Variants in KAT6B observed in about 807,000 individuals in gnomAD.
KAT6B encodes lysine acetyltransferase 6B.
Under a neutral mutation model 187.5 loss-of-function variants are expected in KAT6B, and 10 were observed. The ratio of observed to expected loss-of-function variants is 0.05; its 90% CI spans 0.03 to 0.09. The LOEUF is 0.09. Among genes scored for constraint, KAT6B ranks in the 10% least tolerant of loss-of-function variants. KAT6B has a pLI of 1.00. For synonymous variants in KAT6B, 861 were observed against 926.8 expected, an observed-to-expected ratio of 0.93 and a Z score of 1.29; for missense variants, 1,952 against 2,558.9, an observed-to-expected ratio of 0.76 and a Z score of 5.12.
At chr10:74,954,546 T>C (rs1249523862) in intron 3 of KAT6B, among the ~76,000 whole-genome samples, 1 of 152,208 alleles carries the variant, frequency 6.6e-6, no homozygotes, top group African/African-American at 2.4e-5. Context: ...ATGACTCCTA[T>C]TGGTGTAAGT....
chr10:75,017,279 G>T (rs1845044720), intron 13 of KAT6B, among the ~76,000 whole-genome samples: 1 of 152,016 alleles, frequency 6.6e-6, no homozygotes, highest in Admixed American at 6.5e-5. Context: ...TAAGTGAAAT[G>T]TTCTTACCAA....
At chr10:75,009,214 A>G (rs367561604) in intron 13 of KAT6B, among the ~76,000 whole-genome samples, 2 of 152,200 alleles carry the variant, frequency 1.3e-5, no homozygotes, top group East Asian at 1.9e-4. Context: ...TAACATGTCT[A>G]TTTGAGTTCC....
At position 75,028,966 on chromosome 10, in the gene KAT6B, A is replaced by G; in HGVS notation, c.4142A>G (p.Asp1381Gly). Residue 1381 changes from aspartate (D) to glycine (G), a missense_variant, in exon 18 of 18, where the codon GAT (aspartate) becomes GGT (glycine). This residue lies in a region of KAT6B where 758 missense variants were observed against 891.4 expected (regional missense o/e 0.85). Coordinates refer to ENST00000287239, the MANE Select transcript of KAT6B (RefSeq NM_012330.4). ...EEEGGGNVEK[D>G]PDGAKSQEKE... is the part of the protein sequence containing the mutation. ...GAAGGAGGAGGAAATGTAGAAAAAG[A>G]TCCAGATGGTGCTAAAAGCCAAGAA... 2 of 1,613,914 alleles carry G rather than the reference A, an allele frequency of 1.2e-6. No homozygotes were observed. The highest frequency in any genetic ancestry group is 1.7e-6 in the Non-Finnish European group (2 of 1,179,950).
intron 14 of KAT6B, 75 bp from the exon 15 acceptor site, chr10:75,021,051 G>A: frequency 1.4e-6 from 2 of 1,393,084 alleles, no homozygotes. Flanking sequence ...ATTAGTGCTA[G>A]CATATGTCCG....
chr10:74,980,201 TTTTG>T (rs1177067402), intron 10 of KAT6B, among the ~76,000 whole-genome samples: 6 of 152,004 alleles, frequency 3.9e-5, no homozygotes, highest in African/African-American at 1.5e-4. Flanking sequence ...GTATCCAAGT[TTTTG>T]TTTGTCTTGA....
At chr10:75,000,526 C>T (rs1843754526) in intron 13 of KAT6B, among the ~76,000 whole-genome samples, 1 of 151,972 alleles carries the variant, frequency 6.6e-6, no homozygotes, top group Non-Finnish European at 1.5e-5. Context: ...GTAACTAACG[C>T]TATAAAGGGT....
intron 9 of KAT6B, 23 bp from the exon 10 acceptor site, chr10:74,979,201 T>G (rs1842354575): frequency 1.8e-5 from 27 of 1,518,740 alleles, no homozygotes; most frequent in Non-Finnish European, 2.5e-5. Context: ...TATTATTATT[T>G]TCCTTTTCTT....
intron 3 of KAT6B, among the ~76,000 whole-genome samples, chr10:74,958,271 A>T (rs1373569670): frequency 6.6e-6 from 1 of 152,234 alleles, no homozygotes; most frequent in African/African-American, 2.4e-5. Context: ...TTGAGTGCCT[A>T]CTATGCACCA....
chr10:75,027,293 C>T (rs983538359), intron 17 of KAT6B, among the ~76,000 whole-genome samples: 2 of 152,120 alleles, frequency 1.3e-5, no homozygotes, highest in Non-Finnish European at 1.5e-5. Context: ...TTCAGCTGGT[C>T]GGTTTGAATG....
intron 3 of KAT6B, among the ~76,000 whole-genome samples, chr10:74,936,402 CAAAA>C (rs1163193286): frequency 9.7e-6 from 1 of 103,038 alleles, no homozygotes. Context: ...GACTCCATCT[CAAAA>C]AAAAAAAAAA....
rs150423702 is a variant in KAT6B at position 75,024,884 on chromosome 10, A to G, written c.3373-74A>G. 3.1e-4 allele frequency: 424 copies of G among 1,360,070 alleles called. 1 individual carries two copies. The African/African-American group carries it at 5.6e-3, about 18-fold the overall frequency. 84.3% of individuals were successfully genotyped at this position (1,360,070 alleles called of 1,614,324 possible). A position where few individuals can be genotyped will look rare whatever the true frequency, so the allele number is the denominator to read the frequency against. On this transcript the variant is annotated intron_variant, in intron 16 of 17. Coordinates refer to ENST00000287239, the MANE Select transcript of KAT6B (RefSeq NM_012330.4). ...AGATTCTCAGACACGCGTTCAGTAC[A>G]TGTCTACTGCATATCGACTCAACCA...
chr10:74,890,603 G>A (rs1036633312), intron 3 of KAT6B, among the ~76,000 whole-genome samples: 4 of 152,166 alleles, frequency 2.6e-5, no homozygotes, highest in Non-Finnish European at 5.9e-5. Context: ...GAGTAGTACA[G>A]TTTTCTCGGA....
At chr10:74,848,485 A>G (rs1842262767) in intron 3 of KAT6B, among the ~76,000 whole-genome samples, 1 of 152,094 alleles carries the variant, frequency 6.6e-6, no homozygotes, top group Non-Finnish European at 1.5e-5. Flanking sequence ...AGCCTGGGCG[A>G]CAGAGCAACA....
intron 11 of KAT6B, chr10:74,984,769 C>A (rs1392406029): frequency 8.1e-6 from 3 of 371,120 alleles, no homozygotes; most frequent in Non-Finnish European, 1.5e-5. Flanking sequence ...CATGCCTGAT[C>A]ATTTTTAGCT....
chr10:74,844,872 A>G (rs1045076456), intron 3 of KAT6B, among the ~76,000 whole-genome samples: 11 of 152,206 alleles, frequency 7.2e-5, no homozygotes, highest in African/African-American at 2.7e-4. Context: ...ATATATTGAT[A>G]TCAGTTAATT....
chr10:74,906,625 T>C (rs1047689771), intron 3 of KAT6B, among the ~76,000 whole-genome samples: 1 of 152,184 alleles, frequency 6.6e-6, no homozygotes, highest in African/African-American at 2.4e-5. Flanking sequence ...CCCTTTTATC[T>C]ACTTTGAAAT....
chr10:74,949,447 A>C (rs1315464562), intron 3 of KAT6B, among the ~76,000 whole-genome samples: 2 of 152,230 alleles, frequency 1.3e-5, no homozygotes, highest in African/African-American at 4.8e-5. Context: ...AACAAAAAAA[A>C]CAAGAAAACA....
chr10:75,029,811 G>C lies in KAT6B; in HGVS notation c.4987G>C (p.Val1663Leu), dbSNP rs777433819. 4 of 1,614,058 alleles carry C rather than the reference G, an allele frequency of 2.5e-6. No individual in the cohort carries two copies. Among genetic ancestry groups the C allele is most frequent in the African/African-American group, 2.7e-5 (2 of 74,916 alleles). ...PSVSDHSQQV[V>L]DSGFSDLGSI... ...AGTTTCAGATCATTCACAGCAAGTC[G>C]TAGACAGTGGATTTAGTGACCTGGG... The change falls in exon 18 of 18, where the codon GTA becomes CTA. Residue 1663 changes from valine to leucine, a missense_variant. Coordinates refer to ENST00000287239, the MANE Select transcript of KAT6B (RefSeq NM_012330.4). This position sits in a 1 kb window ranked among gnomAD's most constrained non-coding sequence, Gnocchi z 6.2.
chr10:74,971,236 A>G (rs542487519), intron 6 of KAT6B, among the ~76,000 whole-genome samples: 1 of 152,282 alleles, frequency 6.6e-6, no homozygotes, highest in Non-Finnish European at 1.5e-5. Context: ...TCCATCCACA[A>G]TTATTTCCTT....
Sources: allele counts gnomAD v4.1 joint callset (sites outside exome capture counted in the v4.1 genomes callset), GRCh38; gene constraint gnomAD v4.1.1; regional missense constraint gnomAD v4.1.1; non-coding constraint Gnocchi (gnomAD v3.1); transcripts MANE v1.5; gene names NCBI Gene and HGNC (gene_info 2026-07-23, HGNC 2026-07-21).